The following KCNIP4 variants were observed in gnomAD, a reference collection of about 807,000 sequenced individuals.
KCNIP4 encodes potassium voltage-gated channel interacting protein 4.
KCNIP4 carries 12 observed loss-of-function variants against 34.0 expected under a neutral mutation model. The observed-to-expected ratio is 0.35, with a 90% CI of 0.23 to 0.57. The LOEUF (loss-of-function observed/expected upper bound fraction) is 0.57, where lower values mean the gene tolerates loss of function less well. KCNIP4 is among the 20% of genes least tolerant of loss of function. The pLI is 0.83. For missense variants in KCNIP4, 238 were observed against 311.7 expected, an observed-to-expected ratio of 0.76 and a Z score of 1.78; for synonymous variants, 124 against 102.2, an observed-to-expected ratio of 1.21 and a Z score of -1.29.
chr4:21,872,231 C>T (rs754358013), intron 1 of KCNIP4, among the ~76,000 whole-genome samples: 29 of 152,110 alleles, frequency 1.9e-4, no homozygotes, highest in Admixed American at 5.2e-4. Context: ...TCCCCAGGAA[C>T]AAAATTCCCT....
intron 1 of KCNIP4, among the ~76,000 whole-genome samples, chr4:20,906,257 T>C (rs1278380093): frequency 2.0e-5 from 3 of 152,162 alleles, no homozygotes; most frequent in Non-Finnish European, 4.4e-5. Flanking sequence ...GCTGCTGAGC[T>C]GTTGGCTAGT....
chr4:21,583,890 A>C (rs1741418626), intron 1 of KCNIP4, among the ~76,000 whole-genome samples: 3 of 152,058 alleles, frequency 2.0e-5, no homozygotes, highest in East Asian at 1.9e-4. Flanking sequence ...ATTTCATTAT[A>C]AGATTTTTTG....
intron 1 of KCNIP4, among the ~76,000 whole-genome samples, chr4:21,735,525 A>G (rs1468003228): frequency 6.6e-6 from 1 of 152,164 alleles, no homozygotes; most frequent in Non-Finnish European, 1.5e-5. Context: ...CTCCGTGTTC[A>G]ATGACACCAC....
At chr4:21,152,050 C>T (rs186549512) in intron 1 of KCNIP4, among the ~76,000 whole-genome samples, 8 of 152,162 alleles carry the variant, frequency 5.3e-5, no homozygotes, top group South Asian at 4.2e-4. Flanking sequence ...GTCAGCAGTT[C>T]GAGACCAGCC....
At chr4:21,588,403 A>G (rs1741820819) in intron 1 of KCNIP4, among the ~76,000 whole-genome samples, 1 of 152,006 alleles carries the variant, frequency 6.6e-6, no homozygotes, top group Admixed American at 6.6e-5. Flanking sequence ...CAAGATGGCA[A>G]CCTTAAACCA....
chr4:20,875,521 A>G (rs1158938249), intron 2 of KCNIP4, among the ~76,000 whole-genome samples: 1 of 152,242 alleles, frequency 6.6e-6, no homozygotes, highest in Non-Finnish European at 1.5e-5. Context: ...GAGGGTTTGA[A>G]CATGACACTT....
chr4:21,681,873 C>CTT (rs35681482), intron 1 of KCNIP4, among the ~76,000 whole-genome samples: 11 of 147,512 alleles, frequency 7.5e-5, no homozygotes, highest in African/African-American at 2.5e-4. Flanking sequence ...GAATGCCACA[C>CTT]TTTTTTTTTT....
chr4:21,800,381 A>G (rs1466373603), intron 1 of KCNIP4, among the ~76,000 whole-genome samples: 1 of 152,190 alleles, frequency 6.6e-6, no homozygotes, highest in African/African-American at 2.4e-5. Context: ...TTTGTTTTCA[A>G]AAGGGCCTTT....
chr4:21,411,788 T>C (rs1409320966), intron 1 of KCNIP4, among the ~76,000 whole-genome samples: 1 of 152,116 alleles, frequency 6.6e-6, no homozygotes, highest in Admixed American at 6.5e-5. Flanking sequence ...CAGTGAGCCG[T>C]GACCATGCCA....
At chr4:20,843,484 C>A (rs1719994657) in intron 3 of KCNIP4, among the ~76,000 whole-genome samples, 1 of 152,152 alleles carries the variant, frequency 6.6e-6, no homozygotes, top group South Asian at 2.1e-4. Flanking sequence ...AATCCCAGCA[C>A]TTTGGGAGGT....
chr4:21,915,620 T>C (rs1035404801), intron 1 of KCNIP4, among the ~76,000 whole-genome samples: 5 of 152,200 alleles, frequency 3.3e-5, no homozygotes, highest in Non-Finnish European at 5.9e-5. Context: ...GAGAGAGGTA[T>C]AAACATCTGT....
intron 3 of KCNIP4, among the ~76,000 whole-genome samples, chr4:20,839,330 A>G (rs1322892774): frequency 1.3e-5 from 2 of 152,008 alleles, no homozygotes; most frequent in Non-Finnish European, 2.9e-5. Context: ...ATAGATCTAT[A>G]GATATAGATA....
intron 1 of KCNIP4, among the ~76,000 whole-genome samples, chr4:21,459,522 C>T (rs1282745391): frequency 6.6e-6 from 1 of 152,012 alleles, no homozygotes; most frequent in Non-Finnish European, 1.5e-5. Flanking sequence ...TTATGATTAA[C>T]ACTGACAGCT....
At chr4:21,437,854 A>G (rs1387915846) in intron 1 of KCNIP4, among the ~76,000 whole-genome samples, 1 of 150,124 alleles carries the variant, frequency 6.7e-6, no homozygotes, top group Non-Finnish European at 1.5e-5. Flanking sequence ...AATGGAACTT[A>G]AGGTTTTATG....
intron 1 of KCNIP4, among the ~76,000 whole-genome samples, chr4:20,884,821 C>T (rs1440726283): frequency 6.6e-6 from 1 of 151,942 alleles, no homozygotes; most frequent in African/African-American, 2.4e-5. Context: ...TTGCCTCAGC[C>T]TCATGAGTAG....
intron 1 of KCNIP4, among the ~76,000 whole-genome samples, chr4:21,394,987 C>A (rs1040099000): frequency 2.0e-5 from 3 of 151,750 alleles, no homozygotes; most frequent in Non-Finnish European, 2.9e-5. Flanking sequence ...AAGCCACAAT[C>A]CTTATATTTA....
At chr4:21,548,503 T>C (rs770086748) in intron 1 of KCNIP4, among the ~76,000 whole-genome samples, 2 of 152,040 alleles carry the variant, frequency 1.3e-5, no homozygotes, top group Non-Finnish European at 2.9e-5. Flanking sequence ...CACTGTTGCA[T>C]ATAAAATGTA....
At chr4:20,882,759 G>C (rs371452037) in intron 1 of KCNIP4, 50 bp from the exon 2 acceptor site, 20 of 1,431,642 alleles carry the variant, frequency 1.4e-5, no homozygotes, top group Non-Finnish European at 2.0e-5. Context: ...GAGAGAAAAG[G>C]GACGTGCTGC....
intron 5 of KCNIP4, among the ~76,000 whole-genome samples, chr4:20,738,407 T>G (rs1351593214): frequency 6.6e-6 from 1 of 152,038 alleles, no homozygotes; most frequent in Non-Finnish European, 1.5e-5. Flanking sequence ...GCCAAAAGAT[T>G]TATGGGACCT....
Sources: allele counts gnomAD v4.1 joint callset (sites outside exome capture counted in the v4.1 genomes callset), GRCh38; gene constraint gnomAD v4.1.1; transcripts MANE v1.5; gene names NCBI Gene and HGNC (gene_info 2026-07-23, HGNC 2026-07-21).